The following PARN variants were observed in gnomAD, a reference collection of about 807,000 sequenced individuals.
PARN encodes the protein poly(A)-specific ribonuclease PARN.
A neutral mutation model predicts 102.8 loss-of-function variants in PARN; 71 were observed. The observed-to-expected ratio is 0.69, with a 90% CI of 0.57 to 0.84. The LOEUF (loss-of-function observed/expected upper bound fraction) is 0.84. PARN is among the 40% of genes least tolerant of loss of function. The probability of loss-of-function intolerance (pLI) is 0.00; values close to 1 mark genes in which losing one functional copy is unlikely to be tolerated. For missense variants in PARN, 782 were observed against 760.9 expected (o/e 1.03, Z -0.33); for synonymous variants, 261 against 252.9 (o/e 1.03, Z -0.30).
chr16:14,463,365 T>C (rs924953878), intron 22 of PARN, among the ~76,000 whole-genome samples: 1 of 152,152 alleles, frequency 6.6e-6, no homozygotes, highest in Non-Finnish European at 1.5e-5. Context: ...ATTTATAATA[T>C]AAAGACTACC....
At chr16:14,580,848 GAAA>G in intron 18 of PARN, 23 bp downstream of exon 18, 1 of 1,442,390 alleles carries the variant, frequency 6.9e-7, no homozygotes, top group Non-Finnish European at 9.8e-7. Context: ...AGAGAACTTG[GAAA>G]CTGGAACTCT....
chr16:14,583,891 T>C (rs1596749179), intron 16 of PARN, among the ~76,000 whole-genome samples: 2 of 152,194 alleles, frequency 1.3e-5, no homozygotes, highest in South Asian at 2.1e-4. Flanking sequence ...TTCTACTCTC[T>C]AAACCAGCTG....
At chr16:14,446,740 T>C (rs537820208) in intron 23 of PARN, 148 bp downstream of exon 23, 4 of 568,236 alleles carry the variant, frequency 7.0e-6, no homozygotes, top group South Asian at 5.9e-5. Context: ...TTAAATTAAA[T>C]TGATCCTAAA....
chr16:14,617,135 A>G (rs1453032627), intron 6 of PARN, among the ~76,000 whole-genome samples: 1 of 151,580 alleles, frequency 6.6e-6, no homozygotes, highest in Non-Finnish European at 1.5e-5. Flanking sequence ...TTGTAATCCC[A>G]GCATTTTTGG....
intron 18 of PARN, among the ~76,000 whole-genome samples, chr16:14,561,281 G>A (rs778413169): frequency 2.0e-5 from 3 of 151,932 alleles, no homozygotes; most frequent in Non-Finnish European, 4.4e-5. Context: ...ACCTTGAACC[G>A]TTAGCAAAAT....
intron 21 of PARN, among the ~76,000 whole-genome samples, chr16:14,483,803 G>A (rs574489054): frequency 6.6e-6 from 1 of 152,098 alleles, no homozygotes; most frequent in African/African-American, 2.4e-5. Context: ...CTTCTCTTGA[G>A]CTACCTATAA....
chr16:14,552,128 T>G, intron 20 of PARN, 33 bp from the exon 21 acceptor site: 1 of 1,376,916 alleles, frequency 7.3e-7, no homozygotes, highest in African/African-American at 1.4e-5. Context: ...AAGTGAACAT[T>G]TGACCATGTG....
chr16:14,536,340 T>C (rs1966604430), intron 21 of PARN, among the ~76,000 whole-genome samples: 1 of 152,190 alleles, frequency 6.6e-6, no homozygotes, highest in African/African-American at 2.4e-5. Flanking sequence ...TAATCAACTA[T>C]TTCATTATAT....
At chr16:14,562,677 ACT>A (rs1968148515) in intron 18 of PARN, among the ~76,000 whole-genome samples, 1 of 151,428 alleles carries the variant, frequency 6.6e-6, no homozygotes, top group African/African-American at 2.4e-5. Flanking sequence ...TACTCAAACT[ACT>A]CTCTTGGCAA....
intron 22 of PARN, among the ~76,000 whole-genome samples, chr16:14,471,758 T>C (rs1192173683): frequency 1.3e-5 from 2 of 152,206 alleles, no homozygotes; most frequent in Non-Finnish European, 2.9e-5. Context: ...ATCTGGTGTT[T>C]TGTCTTTTTG....
At chr16:14,599,218 T>C (rs957011999) in intron 12 of PARN, among the ~76,000 whole-genome samples, 7 of 151,968 alleles carry the variant, frequency 4.6e-5, no homozygotes, top group Non-Finnish European at 1.0e-4. Flanking sequence ...AATTTTTGTA[T>C]TTTTGGTAGA....
At chr16:14,485,030 G>A (rs898400482) in intron 21 of PARN, among the ~76,000 whole-genome samples, 1 of 152,116 alleles carries the variant, frequency 6.6e-6, no homozygotes, top group African/African-American at 2.4e-5. Context: ...GACCAACCTG[G>A]GCAACACTGT....
chr16:14,599,087 G>T (rs114445937), intron 12 of PARN, among the ~76,000 whole-genome samples: 5,895 of 133,228 alleles, frequency 0.044, 133 homozygotes, highest in African/African-American at 0.054. Flanking sequence ...CTGTCACCCA[G>T]GCTGGGGTGC....
At chr16:14,594,420 T>C (rs981459441) in intron 12 of PARN, among the ~76,000 whole-genome samples, 1 of 152,074 alleles carries the variant, frequency 6.6e-6, no homozygotes, top group African/African-American at 2.4e-5. Context: ...ATTTTTAACA[T>C]AAAACATCAG....
Position 14,451,656 on chromosome 16 carries a change from G to A in PARN, c.1671-4575C>T, listed in dbSNP as rs546896077. Among the ~76,000 whole-genome samples the A allele has an allele frequency of 9.9e-5, 15 of 151,858 alleles. No individual in the cohort carries two copies. The East Asian group carries it at 2.7e-3, about 27-fold the overall frequency. The stretch of plus-strand genomic sequence containing the variant: ...GTAGGGATTGACTGGTAGAAAATGA[G>A]GGAATTTTCTGGGGTAACGTTAATT... On this transcript the variant is annotated intron_variant, in intron 22 of 23. Transcript: ENST00000437198.
chr16:14,558,544 G>A (rs1407856294), intron 18 of PARN: 1 of 150,464 alleles, frequency 6.6e-6, no homozygotes, highest in Non-Finnish European at 1.5e-5. Context: ...AAAAATAACT[G>A]AGAAGAACAA....
chr16:14,539,162 G>A (rs1286361638), intron 21 of PARN, among the ~76,000 whole-genome samples: 1 of 152,182 alleles, frequency 6.6e-6, no homozygotes, highest in Non-Finnish European at 1.5e-5. Context: ...ACCTAGCTCT[G>A]TGGAAAAACT....
chr16:14,593,238 A>G, intron 13 of PARN, 63 bp downstream of exon 13: 2 of 884,928 alleles, frequency 2.3e-6, no homozygotes, highest in Non-Finnish European at 3.8e-6. Context: ...AAGCATCATA[A>G]TAATATTTTT....
intron 21 of PARN, among the ~76,000 whole-genome samples, chr16:14,513,698 G>C (rs1487657857): frequency 6.6e-6 from 1 of 152,136 alleles, no homozygotes; most frequent in East Asian, 1.9e-4. Flanking sequence ...TGAGCCTTTA[G>C]AAAAGGCGCT....
Sources: gnomAD v4.1 joint callset for allele counts (sites outside exome capture counted in the v4.1 genomes callset) on GRCh38, gnomAD v4.1.1 for gene constraint, MANE v1.5 for transcripts, NCBI Gene and HGNC (gene_info 2026-07-23, HGNC 2026-07-21) for gene names.